DIP2B: variants seen among roughly 807,000 people sequenced by gnomAD.
DIP2B encodes the protein DIP2 acetate--CoA ligase B (putative), also known as disco-interacting protein 2 homolog B.
In DIP2B, 76 loss-of-function variants were observed where a neutral mutation model predicts 198.0. That is an observed-to-expected ratio of 0.38 (90% CI 0.32 to 0.46). The LOEUF (loss-of-function observed/expected upper bound fraction) is 0.46. Among genes scored for constraint, DIP2B ranks in the 20% least tolerant of loss-of-function variants. The pLI, the probability that DIP2B is intolerant of heterozygous loss-of-function variation, is 0.99. For missense variants in DIP2B, 1,559 were observed against 1,978.4 expected (o/e 0.79, Z 4.02); for synonymous variants, 701 against 739.1 (o/e 0.95, Z 0.84).
chr12:50,553,025 G>A (rs184842429), intron 1 of DIP2B, among the ~76,000 whole-genome samples: 2 of 152,100 alleles, frequency 1.3e-5, no homozygotes, highest in African/African-American at 2.4e-5. Flanking sequence ...TATTAGAGAC[G>A]GGGTTTTGGC....
intron 28 of DIP2B, among the ~76,000 whole-genome samples, chr12:50,726,593 T>C (rs1473237017): frequency 6.6e-6 from 1 of 151,960 alleles, no homozygotes; most frequent in Non-Finnish European, 1.5e-5. Flanking sequence ...TCAAGTGGTC[T>C]ACCTGCCTCG....
intron 12 of DIP2B, among the ~76,000 whole-genome samples, chr12:50,690,048 T>C (rs975392084): frequency 6.6e-6 from 1 of 152,074 alleles, no homozygotes; most frequent in African/African-American, 2.4e-5. Flanking sequence ...CCTATTCTAC[T>C]CTTTCTCCCC....
Position 50,739,476 on chromosome 12 carries a change from C to A in DIP2B, c.4244C>A (p.Ala1415Asp), listed in dbSNP as rs749009766. ...YTIYDSETLQADHFNTRLSFG... is the reference protein window; with the variant it reads ...YTIYDSETLQDDHFNTRLSFG... ...ATCTATGATAGCGAGACTCTTCAAG[C>A]TGATCATTTCAACACTCGCCTCAGC... The change falls in exon 36 of 38, where the codon GCT (alanine) becomes GAT (aspartate). Residue 1415 changes from alanine (A) to aspartate (D), a missense_variant. By Grantham distance (126) the Ala-to-Asp change is moderately radical. Coordinates refer to ENST00000301180, the MANE Select transcript of DIP2B (RefSeq NM_173602.3). The A allele has an allele frequency of 6.2e-7, 1 of 1,614,202 alleles. No homozygotes were observed. Among genetic ancestry groups the A allele is most frequent in the South Asian group, 1.1e-5 (1 of 91,088 alleles).
intron 28 of DIP2B, among the ~76,000 whole-genome samples, 168 bp from the exon 29 acceptor site, chr12:50,727,535 C>T (rs1939958494): frequency 6.6e-6 from 1 of 152,216 alleles, no homozygotes; most frequent in African/African-American, 2.4e-5. Flanking sequence ...TCCTCAACCC[C>T]AGCCCACCTC....
intron 1 of DIP2B, among the ~76,000 whole-genome samples, chr12:50,619,019 T>C (rs1009783449): frequency 6.6e-6 from 1 of 152,160 alleles, no homozygotes; most frequent in Non-Finnish European, 1.5e-5. Context: ...AATGCTTTTC[T>C]TTCCTTCCCA....
chr12:50,744,454 T>C, intron 37 of DIP2B, 133 bp from the exon 38 acceptor site: 1 of 1,189,328 alleles, frequency 8.4e-7, no homozygotes, highest in Non-Finnish European at 1.2e-6. Context: ...TCATATATGG[T>C]AGACATGACT....
At chr12:50,728,408 A>T in intron 29 of DIP2B, 140 bp from the exon 30 acceptor site, 1 of 996,384 alleles carries the variant, frequency 1.0e-6, no homozygotes, top group Non-Finnish European at 1.4e-6. Context: ...ATGGAGTCTT[A>T]GATTAGGCTT....
chr12:50,632,515 G>A (rs2139478092), intron 2 of DIP2B, among the ~76,000 whole-genome samples: 1 of 144,698 alleles, frequency 6.9e-6, no homozygotes, highest in African/African-American at 2.6e-5. Context: ...TCTCACTACT[G>A]TCTTTTTATT....
At chr12:50,714,740 A>T in intron 23 of DIP2B, 144 bp downstream of exon 23, 1 of 963,940 alleles carries the variant, frequency 1.0e-6, no homozygotes, top group Non-Finnish European at 1.5e-6. Flanking sequence ...AGGAGCTCGA[A>T]AACAGCCTGG....
chr12:50,570,938 A>G (rs1958607280), intron 1 of DIP2B, among the ~76,000 whole-genome samples: 1 of 152,158 alleles, frequency 6.6e-6, no homozygotes, highest in African/African-American at 2.4e-5. Context: ...CTGTTTATTT[A>G]GCAGATATTA....
chr12:50,576,955 C>T (rs1444527692), intron 1 of DIP2B, among the ~76,000 whole-genome samples: 3 of 151,966 alleles, frequency 2.0e-5, no homozygotes, highest in African/African-American at 7.3e-5. Flanking sequence ...CATCCGCCTC[C>T]TAGGTTCAAG....
Position 50,719,006 on chromosome 12 carries a change from C to CATGTACT in DIP2B, c.3014_3020dup (p.Phe1008CysfsTer23). 1 of 1,614,184 alleles carries CATGTACT rather than the reference C, an allele frequency of 6.2e-7. No individual in the cohort carries two copies. Among genetic ancestry groups the CATGTACT allele is most frequent in the Non-Finnish European group, 8.5e-7 (1 of 1,180,030 alleles). On this transcript the variant is annotated frameshift_variant, in exon 25 of 38. Coordinates refer to ENST00000301180, the MANE Select transcript of DIP2B (RefSeq NM_173602.3). LOFTEE classifies it high-confidence loss of function. ...GTGGCGAGCCCAGGCGACTCCTGAC[C>CATGTACT]ATGTACTCTTCATGCTGTTAAATGC...
In DIP2B at chr12:50,747,039, A is replaced by G. The variant is rs1940350007; in HGVS notation, c.*2200A>G. 2.0e-5 allele frequency: 3 copies of G among 152,234 alleles called. No individual in the cohort carries two copies. The highest frequency in any genetic ancestry group is 7.2e-5 in the African/African-American group (3 of 41,450). 9.4% of individuals were successfully genotyped at this position (152,234 alleles called of 1,614,324 possible). A position where few individuals can be genotyped will look rare whatever the true frequency, so the allele number is the denominator to read the frequency against. ...AGAAACCCATGGTATTGATTTAAAT[A>G]TATTTTATTTAACCCAATAGCTCAA... On this transcript the variant is annotated 3_prime_UTR_variant, in exon 38 of 38. Transcript: ENST00000301180.
At chr12:50,678,138 C>T (rs1429940375) in intron 7 of DIP2B, among the ~76,000 whole-genome samples, 1 of 150,030 alleles carries the variant, frequency 6.7e-6, no homozygotes, top group Non-Finnish European at 1.5e-5. Flanking sequence ...TGGTTTATGC[C>T]CATTGTCTGT....
At chr12:50,669,946 A>T (rs1410002218) in intron 4 of DIP2B, among the ~76,000 whole-genome samples, 2 of 152,204 alleles carry the variant, frequency 1.3e-5, no homozygotes, top group East Asian at 3.8e-4. Context: ...TTTAATTTTT[A>T]AAAACAATGA....
Position 50,747,325 on chromosome 12 carries a change from A to T in DIP2B, c.*2486A>T, listed in dbSNP as rs1940353835. 6.6e-6 allele frequency: 1 copy of T among 152,176 alleles called. No homozygotes were observed. The allele number at this position is 152,176 out of a possible 1,614,324, so 9.4% of individuals were successfully genotyped here. A position where few individuals can be genotyped will look rare whatever the true frequency, so the allele number is the denominator to read the frequency against. On this transcript the variant is annotated 3_prime_UTR_variant, in exon 38 of 38. Transcript: ENST00000301180. ...CCATTTACTTAGAGGCTGATTATCTAGTTTTGTAGTTCCTCAGGCCTCTAA... is the reference window on the plus strand; with the variant it reads ...CCATTTACTTAGAGGCTGATTATCTTGTTTTGTAGTTCCTCAGGCCTCTAA...
intron 3 of DIP2B, chr12:50,654,924 T>TA: frequency 2.4e-6 from 1 of 414,936 alleles, no homozygotes; most frequent in Non-Finnish European, 4.9e-6. Flanking sequence ...ACATTGCTAG[T>TA]AGTAATGCAG....
intron 1 of DIP2B, among the ~76,000 whole-genome samples, chr12:50,548,862 G>GT (rs1360464109): frequency 6.6e-6 from 1 of 152,110 alleles, no homozygotes; most frequent in East Asian, 1.9e-4. Context: ...ACTAAGAGGT[G>GT]TTTTTCTGCA....
At chr12:50,653,219 C>T (rs966362031) in intron 3 of DIP2B, among the ~76,000 whole-genome samples, 12 of 150,096 alleles carry the variant, frequency 8.0e-5, no homozygotes, top group Middle Eastern at 3.6e-3. Context: ...TTGAGATTTT[C>T]TGTTTTTTCA....
Sources: gnomAD v4.1 joint callset for allele counts (sites outside exome capture counted in the v4.1 genomes callset) on GRCh38, gnomAD v4.1.1 for gene constraint, MANE v1.5 for transcripts, NCBI Gene and HGNC (gene_info 2026-07-23, HGNC 2026-07-21) for gene names.